Variants in BORA observed in about 807,000 individuals in gnomAD.
BORA encodes the protein protein aurora borealis.
A neutral mutation model predicts 55.8 loss-of-function variants in BORA; 26 were observed. That is an observed-to-expected ratio of 0.47 (90% confidence interval 0.34 to 0.65). The LOEUF is 0.65. BORA is among the 30% of genes least tolerant of loss of function. The probability of loss-of-function intolerance (pLI) is 0.01; values close to 1 mark genes in which losing one functional copy is unlikely to be tolerated. For synonymous variants in BORA, 201 were observed against 216.9 expected (o/e 0.93, Z 0.64); for missense variants, 568 against 671.5 (o/e 0.85, Z 1.70).
intron 7 of BORA, 52 bp downstream of exon 7, chr13:72,744,613 T>G: frequency 1.4e-6 from 2 of 1,401,576 alleles, no homozygotes; most frequent in Non-Finnish European, 2.0e-6. Flanking sequence ...AAGGTTTTGT[T>G]TGGCTGGCTT....
intron 10 of BORA, among the ~76,000 whole-genome samples, chr13:72,749,985 C>T (rs1486285447): frequency 2.6e-5 from 4 of 152,064 alleles, no homozygotes; most frequent in Admixed American, 6.6e-5. Flanking sequence ...AAAAAGAACC[C>T]GTCACGTAAT....
chr13:72,731,332 G>A lies in BORA; in HGVS notation c.205G>A (p.Val69Ile), dbSNP rs202178317. The part of the protein sequence containing the change: ...SIDQLAVINP[V>I]EIDPEDIHRQ... ...TGATCAACTAGCTGTAATAAATCCT[G>A]TAGAAATAGACCCAGAAGATATTCA... Residue 69 changes from valine (V) to isoleucine (I), a missense_variant, in exon 3 of 12, where the codon GTA (valine) becomes ATA (isoleucine). Physicochemically the swap from Val to Ile is conservative, Grantham distance 29 (BLOSUM62 3). Transcript: ENST00000390667. The A allele has an allele frequency of 2.5e-5, 41 of 1,612,506 alleles. No individual in the cohort carries two copies. Among genetic ancestry groups the A allele is most frequent in the Non-Finnish European group, 3.1e-5 (36 of 1,179,234 alleles).
chr13:72,734,791 CCTAAATGTTA>C (rs1302368388), intron 3 of BORA, among the ~76,000 whole-genome samples, 159 bp from the exon 4 acceptor site: 1 of 152,058 alleles, frequency 6.6e-6, no homozygotes, highest in Admixed American at 6.6e-5. Flanking sequence ...CAGAATACTG[CCTAAATGTTA>C]CTAAATGTTA....
At chr13:72,753,895 T>C (rs2033355393) in intron 11 of BORA, 74 bp downstream of exon 11, 1 of 1,371,878 alleles carries the variant, frequency 7.3e-7, no homozygotes, top group Non-Finnish European at 1.0e-6. Context: ...TATTAGACAA[T>C]AGTACTATTG....
intron 4 of BORA, among the ~76,000 whole-genome samples, chr13:72,736,594 C>A (rs1327534497): frequency 6.6e-6 from 1 of 152,062 alleles, no homozygotes; most frequent in Non-Finnish European, 1.5e-5. Flanking sequence ...TTACCTAGCC[C>A]CTGTTGACAG....
Position 72,747,016 on chromosome 13 carries a change from G to T in BORA, c.1387G>T (p.Val463Leu), listed in dbSNP as rs78443721. The change falls in exon 10 of 12, where the codon GTA (valine) becomes TTA (leucine). Residue 463 changes from valine to leucine, a missense_variant. Transcript: ENST00000390667. ...DNGSLPMTDF[V>L]SGIAFSIENS... Reference sequence around the variant, plus strand: ...TGGCAGTTTACCCATGACTGATTTTGTAAGTGGCATTGCCTTCAGTATTGA... The same window carrying T: ...TGGCAGTTTACCCATGACTGATTTTTTAAGTGGCATTGCCTTCAGTATTGA... The T allele has an allele frequency of 6.2e-7, 1 of 1,614,068 alleles. No individual in the cohort carries two copies. Among genetic ancestry groups the T allele is most frequent in the Middle Eastern group, 1.7e-4 (1 of 6,060 alleles).
chr13:72,746,963 CCA>C lies in BORA; in HGVS notation c.1336_1337del (p.Thr446LeufsTer3), dbSNP rs748023675. The C allele has an allele frequency of 2.5e-6, 4 of 1,614,052 alleles. No individual in the cohort carries two copies. Among genetic ancestry groups the C allele is most frequent in the Non-Finnish European group, 3.4e-6 (4 of 1,179,990 alleles). On this transcript the variant is annotated frameshift_variant, in exon 10 of 12. Coordinates refer to ENST00000390667, the MANE Select transcript of BORA (RefSeq NM_024808.5). LOFTEE classifies it high-confidence loss of function. Reference sequence around the variant, plus strand: ...GATCCTATAGAGATAGCAGATGAGACCACTTGGATTAAGGAGCCGGTTGATAA... The same window carrying C: ...GATCCTATAGAGATAGCAGATGAGACCTTGGATTAAGGAGCCGGTTGATAA...
chr13:72,755,701 G>A lies in BORA; in HGVS notation c.*485G>A, dbSNP rs2033444565. 7.6e-6 allele frequency: 3 copies of A among 396,118 alleles called. No individual in the cohort carries two copies. The highest frequency in any genetic ancestry group is 1.3e-5 in the Non-Finnish European group (3 of 225,128). The allele number at this position is 396,118 out of a possible 1,614,324, so 24.5% of individuals were successfully genotyped here. A position where few individuals can be genotyped will look rare whatever the true frequency, so the allele number is the denominator to read the frequency against. On this transcript the variant is annotated 3_prime_UTR_variant, in exon 12 of 12. Coordinates refer to ENST00000390667, the MANE Select transcript of BORA (RefSeq NM_024808.5). ...TCAAAGATACAAAAGAAATTAAACAGGTTTCCTGAAATTTTAGTTCTTGGT... is the reference window on the plus strand; with the variant it reads ...TCAAAGATACAAAAGAAATTAAACAAGTTTCCTGAAATTTTAGTTCTTGGT...
intron 9 of BORA, 142 bp downstream of exon 9, chr13:72,746,218 A>ATTT (rs1333159625): frequency 2.2e-6 from 2 of 903,810 alleles, no homozygotes; most frequent in African/African-American, 3.4e-5. Context: ...ATTTTTAAAT[A>ATTT]AAAGAACAGT....
intron 3 of BORA, among the ~76,000 whole-genome samples, chr13:72,732,190 G>C (rs145449658): frequency 6.6e-5 from 10 of 152,242 alleles, no homozygotes; most frequent in African/African-American, 2.4e-4. Context: ...TTTGACTTAA[G>C]AATTCAGTCA....
At chr13:72,746,466 TATG>T (rs2033144778) in intron 9 of BORA, 32 bp from the exon 10 acceptor site, 1 of 1,565,432 alleles carries the variant, frequency 6.4e-7, no homozygotes, top group Non-Finnish European at 8.6e-7. Flanking sequence ...TTCATGTTTT[TATG>T]ATGTGATTTT....
chr13:72,749,436 A>G (rs559087329), intron 10 of BORA, among the ~76,000 whole-genome samples: 2 of 152,230 alleles, frequency 1.3e-5, no homozygotes, highest in African/African-American at 4.8e-5. Context: ...CTTGAATAAT[A>G]TCTTAGATTT....
At chr13:72,748,034 G>A (rs1051777224) in intron 10 of BORA, among the ~76,000 whole-genome samples, 2 of 152,186 alleles carry the variant, frequency 1.3e-5, no homozygotes, top group Admixed American at 1.3e-4. Flanking sequence ...TCTTTGAGCT[G>A]AGAATTTTGA....
chr13:72,730,777 G>A (rs1264893302), intron 2 of BORA, among the ~76,000 whole-genome samples: 1 of 151,904 alleles, frequency 6.6e-6, no homozygotes, highest in Non-Finnish European at 1.5e-5. Context: ...AGAGATACAG[G>A]CTGGGCGCTG....
At chr13:72,739,580 G>A (rs117880446) in intron 5 of BORA, among the ~76,000 whole-genome samples, 4,203 of 152,262 alleles carry the variant, frequency 0.028, 120 homozygotes, top group Non-Finnish European at 0.044. Flanking sequence ...TTGCTGTCCA[G>A]TATAGTAAAG....
chr13:72,742,753 GATAT>G (rs1221248624), intron 5 of BORA, among the ~76,000 whole-genome samples: 5 of 140,568 alleles, frequency 3.6e-5, no homozygotes, highest in African/African-American at 1.3e-4. Flanking sequence ...TTTAAAATGT[GATAT>G]ATATATATAT....
At chr13:72,735,613 A>T (rs1021182579) in intron 4 of BORA, among the ~76,000 whole-genome samples, 5 of 151,836 alleles carry the variant, frequency 3.3e-5, no homozygotes, top group African/African-American at 4.8e-5. Context: ...TATTATTATT[A>T]TTTTTTGTTT....
At chr13:72,737,639 T>C (rs2032954986) in intron 4 of BORA, among the ~76,000 whole-genome samples, 1 of 152,186 alleles carries the variant, frequency 6.6e-6, no homozygotes, top group South Asian at 2.1e-4. Flanking sequence ...TCTGTCTTAA[T>C]ATATTCCTTC....
chr13:72,739,160 T>C (rs1023155925), intron 5 of BORA, among the ~76,000 whole-genome samples: 8 of 152,212 alleles, frequency 5.3e-5, no homozygotes, highest in Non-Finnish European at 2.9e-5. Flanking sequence ...TAAAATTGTG[T>C]GTCCAAGGTG....
Sources: allele counts gnomAD v4.1 joint callset (sites outside exome capture counted in the v4.1 genomes callset), GRCh38; gene constraint gnomAD v4.1.1; transcripts MANE v1.5; gene names NCBI Gene and HGNC (gene_info 2026-07-23, HGNC 2026-07-21).